Variants in PIBF1 observed in about 807,000 individuals in gnomAD.
PIBF1 encodes the protein progesterone-induced-blocking factor 1.
Under a neutral mutation model 112.5 loss-of-function variants are expected in PIBF1, and 90 were observed. The ratio of observed to expected loss-of-function variants is 0.80; its 90% CI spans 0.67 to 0.95. The LOEUF is 0.95. Among genes scored for constraint, PIBF1 ranks in the 40% least tolerant of loss-of-function variants. The pLI, the probability that PIBF1 is intolerant of heterozygous loss-of-function variation, is 0.00. For missense variants in PIBF1, 915 were observed against 852.3 expected, an observed-to-expected ratio of 1.07 and a Z score of -0.92; for synonymous variants, 301 against 288.6, an observed-to-expected ratio of 1.04 and a Z score of -0.44.
intron 14 of PIBF1, among the ~76,000 whole-genome samples, chr13:72,960,995 A>C (rs558108568): frequency 2.0e-5 from 3 of 151,678 alleles, no homozygotes; most frequent in South Asian, 2.1e-4. Flanking sequence ...GTGTTCCCCC[A>C]AAAAAGTAGC....
At chr13:72,821,177 T>C (rs2036541650) in intron 5 of PIBF1, among the ~76,000 whole-genome samples, 1 of 152,108 alleles carries the variant, frequency 6.6e-6, no homozygotes, top group Non-Finnish European at 1.5e-5. Context: ...GAAGTGTGAA[T>C]GTTAGGAATG....
At chr13:72,785,393 A>T (rs1160170161) in intron 2 of PIBF1, among the ~76,000 whole-genome samples, 1 of 152,168 alleles carries the variant, frequency 6.6e-6, no homozygotes, top group East Asian at 1.9e-4. Context: ...GCCTGACACA[A>T]ATTAAGTGCC....
chr13:72,874,283 A>G (rs887236255), intron 10 of PIBF1, among the ~76,000 whole-genome samples: 5 of 152,192 alleles, frequency 3.3e-5, no homozygotes, highest in Non-Finnish European at 7.3e-5. Context: ...ACCTATATAC[A>G]TATAAAGACT....
chr13:72,836,232 T>C (rs117674558), intron 9 of PIBF1: 26 of 356,912 alleles, frequency 7.3e-5, no homozygotes, highest in South Asian at 5.5e-4. Context: ...ATGGCAGATA[T>C]TTTTATACCG....
chr13:72,984,846 T>G (rs1032878504), intron 16 of PIBF1, among the ~76,000 whole-genome samples: 2 of 152,196 alleles, frequency 1.3e-5, no homozygotes, highest in Non-Finnish European at 2.9e-5. Context: ...CCCAATATAT[T>G]AATATCTCAT....
intron 14 of PIBF1, among the ~76,000 whole-genome samples, chr13:72,948,412 C>G (rs1436437242): frequency 2.0e-5 from 3 of 152,094 alleles, no homozygotes; most frequent in Non-Finnish European, 4.4e-5. Flanking sequence ...CAGCCTGGAC[C>G]TTTTTGTCCA....
rs3077726 is a variant in PIBF1, at chr13:72,818,678, CTTTTTTT to C, written c.673-3155_673-3149del. ...TTGCCACCATGTTATCAGTCTTAAACTTTTTTTTTTTTTTTTTTTTTTGCCAGTATCA... is the reference window on the plus strand; with the variant it reads ...TTGCCACCATGTTATCAGTCTTAAACTTTTTTTTTTTTTTTGCCAGTATCA... On this transcript the variant is annotated intron_variant, in intron 5 of 17. Coordinates refer to ENST00000326291, the MANE Select transcript of PIBF1 (RefSeq NM_006346.4). 5.0e-3 allele frequency among the ~76,000 whole-genome samples: 403 copies of C among 80,398 alleles called. 4 individuals are homozygous for C. Among genetic ancestry groups the C allele is most frequent in the African/African-American group, 0.019 (379 of 19,798 alleles). 52.7% of individuals were successfully genotyped at this position (80,398 alleles called of 152,430 possible). A position where few individuals can be genotyped will look rare whatever the true frequency, so the allele number is the denominator to read the frequency against.
At chr13:72,812,746 G>C (rs1442047737) in intron 5 of PIBF1, among the ~76,000 whole-genome samples, 1 of 151,570 alleles carries the variant, frequency 6.6e-6, no homozygotes, top group African/African-American at 2.4e-5. Context: ...ATTGTGTCCA[G>C]CCTGGAAGAC....
At position 72,842,004 on chromosome 13, in the gene PIBF1, A is replaced by G. The variant is rs114498730; in HGVS notation, c.1223+6636A>G. Among the ~76,000 whole-genome samples the G allele has an allele frequency of 6.4e-3, 971 of 152,324 alleles. 13 individuals carry two copies. The highest frequency in any genetic ancestry group is 0.022 in the African/African-American group (902 of 41,570). ...TAATATTATGGGATTATTTATCATT[A>G]GAAGATACTAATACAAAATATATAT... On this transcript the variant is annotated intron_variant, in intron 9 of 17. Coordinates refer to ENST00000326291, the MANE Select transcript of PIBF1 (RefSeq NM_006346.4).
At chr13:72,844,670 A>G (rs1407960210) in intron 9 of PIBF1, among the ~76,000 whole-genome samples, 2 of 150,220 alleles carry the variant, frequency 1.3e-5, no homozygotes, top group Non-Finnish European at 3.0e-5. Context: ...ACGACATTCC[A>G]TGCTTGAGGG....
rs776515477 is a variant in PIBF1, at chr13:72,835,326, A to G, written c.1181A>G (p.Gln394Arg). The stretch of plus-strand genomic sequence containing the variant: ...TTGAAAACCAACCAAGAAATTGATC[A>G]ACTTCGAAATGCCTCTAGGGAAATG... ...IRLKTNQEID[Q>R]LRNASREMYE... Residue 394 changes from glutamine (Q) to arginine (R), a missense_variant, in exon 9 of 18, where the codon CAA (glutamine) becomes CGA (arginine). By Grantham distance (43) the Gln-to-Arg change is conservative. Transcript: ENST00000326291. The G allele has an allele frequency of 2.5e-6, 4 of 1,596,812 alleles. No individual in the cohort carries two copies. The highest frequency in any genetic ancestry group is 3.4e-6 in the Non-Finnish European group (4 of 1,173,328).
At chr13:72,854,503 T>G (rs542321601) in intron 10 of PIBF1, among the ~76,000 whole-genome samples, 2 of 152,332 alleles carry the variant, frequency 1.3e-5, no homozygotes, top group African/African-American at 4.8e-5. Context: ...AGATTAGTTT[T>G]GCTTCTCTTA....
chr13:72,956,790 G>C (rs2042457578), intron 14 of PIBF1, among the ~76,000 whole-genome samples: 1 of 152,142 alleles, frequency 6.6e-6, no homozygotes, highest in Non-Finnish European at 1.5e-5. Context: ...ATCAAGCCCA[G>C]TGAGTATAAG....
rs554954465 is a variant in PIBF1 at position 73,013,629 on chromosome 13, C to T, written c.2224-2240C>T. 4.0e-5 allele frequency among the ~76,000 whole-genome samples: 6 copies of T among 149,970 alleles called. No homozygotes were observed. In the South Asian group the frequency reaches 1.1e-3, roughly 26 times the overall value. On this transcript the variant is annotated intron_variant, in intron 17 of 17. Transcript: ENST00000326291. Reference sequence around the variant, plus strand: ...GCATGCACCCATATTCCCAGGTACTCGGAAGGCTGAGGCAGGACTATCACT... The same window carrying T: ...GCATGCACCCATATTCCCAGGTACTTGGAAGGCTGAGGCAGGACTATCACT...
intron 9 of PIBF1, among the ~76,000 whole-genome samples, chr13:72,852,285 G>A (rs1196961701): frequency 1.3e-5 from 2 of 152,138 alleles, no homozygotes; most frequent in East Asian, 1.9e-4. Flanking sequence ...CCAAGCTTCC[G>A]GACACCACTG....
intron 13 of PIBF1, among the ~76,000 whole-genome samples, chr13:72,924,210 G>C (rs1253557140): frequency 6.6e-6 from 1 of 152,114 alleles, no homozygotes; most frequent in Non-Finnish European, 1.5e-5. Flanking sequence ...GAATATAGAA[G>C]TGGTGAATTG....
rs139965738 is a variant in PIBF1, at chr13:72,936,008, T to TTTTATTTA, written c.1833+4760_1833+4767dup. On this transcript the variant is annotated intron_variant, in intron 14 of 17. Coordinates refer to ENST00000326291, the MANE Select transcript of PIBF1 (RefSeq NM_006346.4). ...ATCTTTTCACCTCTTAATGATGTCT[T>TTTTATTTA]TTTATTTATTTATTTATTTATTTAT... 2.9e-3 allele frequency among the ~76,000 whole-genome samples: 436 copies of TTTTATTTA among 149,428 alleles called. 3 individuals carry two copies. The highest frequency in any genetic ancestry group is 0.011 in the Middle Eastern group (3 of 284).
At chr13:72,805,375 C>T (rs1254385455) in intron 5 of PIBF1, among the ~76,000 whole-genome samples, 1 of 152,154 alleles carries the variant, frequency 6.6e-6, no homozygotes, top group East Asian at 1.9e-4. Flanking sequence ...ATCTCCTGAC[C>T]TCGTCATCCG....
At chr13:72,876,549 G>T (rs772790811) in intron 10 of PIBF1, among the ~76,000 whole-genome samples, 1 of 152,012 alleles carries the variant, frequency 6.6e-6, no homozygotes. Context: ...ACAATATTGC[G>T]TCTTCTTACC....
Sources: gnomAD v4.1 joint callset for allele counts (sites outside exome capture counted in the v4.1 genomes callset) on GRCh38, gnomAD v4.1.1 for gene constraint, MANE v1.5 for transcripts, NCBI Gene and HGNC (gene_info 2026-07-23, HGNC 2026-07-21) for gene names.